KANK1: variants seen among roughly 807,000 people sequenced by gnomAD.
KANK1 encodes KN motif and ankyrin repeat domains 1.
KANK1 carries 109 observed loss-of-function variants against 106.2 expected under a neutral mutation model. The observed-to-expected ratio is 1.03, with a 90% CI of 0.88 to 1.20. KANK1 has a LOEUF of 1.20. KANK1 is among the 50% of genes most tolerant of loss of function. The pLI is 0.00. For missense variants in KANK1, 2,399 were observed against 1,710.7 expected (o/e 1.40, Z -7.10); for synonymous variants, 873 against 652.2 (o/e 1.34, Z -5.16).
At chr9:569,019 A>G (rs886284790) in intron 1 of KANK1, among the ~76,000 whole-genome samples, 3 of 151,992 alleles carry the variant, frequency 2.0e-5, no homozygotes, top group Non-Finnish European at 2.9e-5. Flanking sequence ...GTGCTCTTCT[A>G]CCCACCTGTA....
At chr9:543,985 T>C (rs1240000661) in intron 1 of KANK1, among the ~76,000 whole-genome samples, 1 of 152,136 alleles carries the variant, frequency 6.6e-6, no homozygotes, top group Non-Finnish European at 1.5e-5. Context: ...GCTTAGTAAA[T>C]ATAACATTTC....
intron 2 of KANK1, chr9:677,435 A>G (rs1816626589): frequency 6.3e-6 from 1 of 158,638 alleles, no homozygotes; most frequent in East Asian, 1.8e-4. Context: ...GAGGGAAGAG[A>G]AGTATATATT....
intron 3 of KANK1, among the ~76,000 whole-genome samples, chr9:718,518 C>T (rs1376883341): frequency 6.6e-6 from 1 of 151,962 alleles, no homozygotes; most frequent in Non-Finnish European, 1.5e-5. Flanking sequence ...CCATGTTGCC[C>T]AGGCTGGTCT....
chr9:517,543 G>A (rs924120305), intron 1 of KANK1, among the ~76,000 whole-genome samples: 5 of 151,680 alleles, frequency 3.3e-5, no homozygotes, highest in African/African-American at 9.8e-5. Flanking sequence ...TGGGAAAATA[G>A]GGAAGCCTTT....
chr9:703,611 A>G (rs531548952), intron 2 of KANK1, among the ~76,000 whole-genome samples: 2 of 152,140 alleles, frequency 1.3e-5, no homozygotes, highest in East Asian at 1.9e-4. Flanking sequence ...TTGCAGATAT[A>G]GCCAGTGGAA....
In KANK1 at chr9:742,304, G is replaced by A. The variant is rs780766744; in HGVS notation, c.3796G>A (p.Glu1266Lys). 38 of 1,614,012 alleles carry A rather than the reference G, an allele frequency of 2.4e-5. No homozygotes were observed. The highest frequency in any genetic ancestry group is 1.6e-4 in the Middle Eastern group (1 of 6,084). The change falls in exon 10 of 12, where the codon GAG becomes AAG. Residue 1266 changes from glutamate to lysine, a missense_variant. Physicochemically the swap from Glu to Lys is moderately conservative, Grantham distance 56 (BLOSUM62 1). Coordinates refer to ENST00000382297, the MANE Select transcript of KANK1 (RefSeq NM_015158.5). ...CGADVNIQDD[E>K]GSTALMCASE... ...GGCTGATGTCAACATCCAGGATGAC[G>A]AGGGCTCCACGGCCCTCATGTGTGC...
chr9:515,479 AT>A (rs2059242721), intron 1 of KANK1, among the ~76,000 whole-genome samples: 1 of 151,666 alleles, frequency 6.6e-6, no homozygotes, highest in Non-Finnish European at 1.5e-5. Flanking sequence ...TGAGAGATGT[AT>A]TTCAAGGAAT....
chr9:625,139 T>C (rs1834052243), intron 1 of KANK1, among the ~76,000 whole-genome samples: 2 of 152,202 alleles, frequency 1.3e-5, no homozygotes, highest in East Asian at 1.9e-4. Flanking sequence ...AGATCTCTTA[T>C]TTGGCAGCGA....
At chr9:583,709 A>T (rs947284956) in intron 1 of KANK1, among the ~76,000 whole-genome samples, 2 of 150,454 alleles carry the variant, frequency 1.3e-5, no homozygotes, top group African/African-American at 2.4e-5. Context: ...TCCATTATAT[A>T]GTAATATATA....
chr9:635,396 G>A (rs1563902321), intron 1 of KANK1, among the ~76,000 whole-genome samples: 1 of 152,144 alleles, frequency 6.6e-6, no homozygotes, highest in African/African-American at 2.4e-5. Context: ...TTTGGGGCAT[G>A]CCTGCGCTGC....
intron 3 of KANK1, among the ~76,000 whole-genome samples, chr9:491,349 C>T (rs1478718773): frequency 2.6e-5 from 4 of 151,446 alleles, no homozygotes; most frequent in Admixed American, 2.6e-4. Flanking sequence ...CTCACTGCAA[C>T]CTCCGCCTCC....
intron 1 of KANK1, among the ~76,000 whole-genome samples, chr9:564,056 T>G (rs1290891983): frequency 6.9e-6 from 1 of 144,148 alleles, no homozygotes; most frequent in Non-Finnish European, 1.5e-5. Flanking sequence ...AATGTGCACT[T>G]TCTTTCTTTT....
At chr9:541,404 C>T (rs756701725) in intron 1 of KANK1, among the ~76,000 whole-genome samples, 10 of 152,056 alleles carry the variant, frequency 6.6e-5, no homozygotes, top group East Asian at 3.9e-4. Flanking sequence ...TTTCTCACAC[C>T]ATATACAAAA....
chr9:585,137 T>C (rs1021630715), intron 1 of KANK1, among the ~76,000 whole-genome samples: 13 of 152,218 alleles, frequency 8.5e-5, no homozygotes, highest in African/African-American at 3.1e-4. Flanking sequence ...CTCAGTGTCT[T>C]CTTCCATGTC....
At position 735,810 on chromosome 9, in the gene KANK1, A is replaced by G. The variant is rs549490857; in HGVS notation, c.3333+975A>G. On this transcript the variant is annotated intron_variant, in intron 7 of 11. Transcript: ENST00000382297. ...GGAGTTCGAGACGAGCTTAGCCAAC[A>G]TGGTGAAACCCTTTCTCTACTAAAA... 112 of 380,032 alleles carry G rather than the reference A, an allele frequency of 2.9e-4. 3 individuals are homozygous for G. Among genetic ancestry groups the G allele is most frequent in the South Asian group, 2.0e-3 (106 of 53,036 alleles). The allele number at this position is 380,032 out of a possible 1,614,324, so 23.5% of individuals were successfully genotyped here.
At chr9:585,702 C>T (rs1383875349) in intron 1 of KANK1, among the ~76,000 whole-genome samples, 2 of 152,030 alleles carry the variant, frequency 1.3e-5, no homozygotes, top group Non-Finnish European at 2.9e-5. Context: ...AAATTGTTTG[C>T]GAGGTCGGCA....
intron 1 of KANK1, among the ~76,000 whole-genome samples, chr9:568,881 A>C (rs1818478288): frequency 6.6e-6 from 1 of 152,202 alleles, no homozygotes; most frequent in African/African-American, 2.4e-5. Flanking sequence ...GACCACTTAA[A>C]AAACCCTTAA....
chr9:732,706 A>T, intron 6 of KANK1, 89 bp downstream of exon 6: 6 of 1,441,292 alleles, frequency 4.2e-6, no homozygotes, highest in Non-Finnish European at 5.7e-6. Context: ...TTTTGTAATT[A>T]AATGTTTGCT....
At chr9:647,631 T>C (rs1839965513) in intron 1 of KANK1, among the ~76,000 whole-genome samples, 1 of 150,762 alleles carries the variant, frequency 6.6e-6, no homozygotes, top group Admixed American at 6.6e-5. Context: ...TGAGTATCCA[T>C]AGTGTCAAAT....
Sources: gnomAD v4.1 joint callset for allele counts (sites outside exome capture counted in the v4.1 genomes callset) on GRCh38, gnomAD v4.1.1 for gene constraint, MANE v1.5 for transcripts, NCBI Gene and HGNC (gene_info 2026-07-23, HGNC 2026-07-21) for gene names.